Variants in GRM7 observed in about 807,000 individuals in gnomAD.
GRM7 encodes the protein metabotropic glutamate receptor 7.
Under a neutral mutation model 84.5 loss-of-function variants are expected in GRM7, and 35 were observed. The observed-to-expected ratio is 0.41, with a 90% CI of 0.32 to 0.55. The LOEUF (loss-of-function observed/expected upper bound fraction) is 0.55. Ranked by LOEUF, GRM7 falls within the 20% of genes least tolerant of loss-of-function variation. The pLI is 0.19. For missense variants in GRM7, 1,003 were observed against 1,194.6 expected (o/e 0.84, Z 2.36); for synonymous variants, 487 against 455.1 (o/e 1.07, Z -0.89).
intron 1 of GRM7, among the ~76,000 whole-genome samples, chr3:7,125,051 T>C (rs1693351889): frequency 6.6e-6 from 1 of 152,188 alleles, no homozygotes; most frequent in African/African-American, 2.4e-5. Context: ...GTGATTCTCC[T>C]GCCTCAGTCT....
chr3:7,153,224 G>C (rs931905907), intron 2 of GRM7, among the ~76,000 whole-genome samples: 6 of 142,908 alleles, frequency 4.2e-5, no homozygotes, highest in African/African-American at 1.3e-4. Flanking sequence ...CTGGCCTTCA[G>C]AGGGATTCTG....
At position 7,376,159 on chromosome 3, in the gene GRM7, G is replaced by A. The variant is rs541133458; in HGVS notation, c.1034-38864G>A. On this transcript the variant is annotated intron_variant, in intron 4 of 9. Transcript: ENST00000357716. ...GCTGACTTAGTGTCTGCATCATGCT[G>A]ACCAACTTTATGACAAGCAGTGTTC... 7.2e-5 allele frequency among the ~76,000 whole-genome samples: 11 copies of A among 152,220 alleles called. No individual in the cohort carries two copies. The East Asian group carries it at 1.7e-3, about 24-fold the overall frequency.
chr3:6,958,917 C>A (rs1693180473), intron 1 of GRM7, among the ~76,000 whole-genome samples: 1 of 151,730 alleles, frequency 6.6e-6, no homozygotes, highest in Non-Finnish European at 1.5e-5. Flanking sequence ...TATACCACAG[C>A]AAAAAAAGTG....
At chr3:7,606,549 G>C (rs1188427469) in intron 8 of GRM7, among the ~76,000 whole-genome samples, 3 of 151,932 alleles carry the variant, frequency 2.0e-5, no homozygotes, top group Non-Finnish European at 4.4e-5. Flanking sequence ...TTCTTTTTGG[G>C]GGGACAAGGT....
intron 4 of GRM7, among the ~76,000 whole-genome samples, chr3:7,368,003 A>T (rs1417950048): frequency 2.1e-5 from 3 of 146,092 alleles, no homozygotes; most frequent in Non-Finnish European, 4.5e-5. Flanking sequence ...AAATACAATG[A>T]TACAAATCCT....
chr3:7,114,759 A>G (rs1303625565), intron 1 of GRM7, among the ~76,000 whole-genome samples: 1 of 152,144 alleles, frequency 6.6e-6, no homozygotes, highest in Non-Finnish European at 1.5e-5. Flanking sequence ...GGAGTATAAC[A>G]TAGCAGGTCT....
chr3:7,133,168 A>C (rs748730492), intron 1 of GRM7, among the ~76,000 whole-genome samples: 5 of 152,218 alleles, frequency 3.3e-5, no homozygotes, highest in Non-Finnish European at 5.9e-5. Context: ...AGGAGCTCTG[A>C]TAATGGGGAA....
chr3:7,498,324 A>G (rs1575419615), intron 7 of GRM7, among the ~76,000 whole-genome samples: 1 of 152,202 alleles, frequency 6.6e-6, no homozygotes, highest in African/African-American at 2.4e-5. Context: ...AGTTGGGGAC[A>G]GTAATTTGGG....
At chr3:7,589,198 C>A (rs1197253668) in intron 8 of GRM7, among the ~76,000 whole-genome samples, 1 of 152,168 alleles carries the variant, frequency 6.6e-6, no homozygotes, top group Non-Finnish European at 1.5e-5. Context: ...TGGTTTTAAC[C>A]CAGCAATCAG....
At chr3:7,146,713 T>C (rs763651925) in intron 2 of GRM7, 45 bp downstream of exon 2, 5 of 1,379,060 alleles carry the variant, frequency 3.6e-6, no homozygotes, top group Non-Finnish European at 5.1e-6. Flanking sequence ...TTCAAACGTC[T>C]GTGGCTTGTA....
At chr3:7,118,891 C>T (rs1379933521) in intron 1 of GRM7, among the ~76,000 whole-genome samples, 1 of 152,110 alleles carries the variant, frequency 6.6e-6, no homozygotes. Context: ...TACACTGTGT[C>T]CTACTTAGGT....
intron 1 of GRM7, among the ~76,000 whole-genome samples, chr3:6,997,233 C>T (rs902620626): frequency 6.6e-6 from 1 of 151,774 alleles, no homozygotes; most frequent in Non-Finnish European, 1.5e-5. Context: ...ATTACAGAGG[C>T]GACTTTTCTA....
intron 7 of GRM7, among the ~76,000 whole-genome samples, chr3:7,482,792 G>A (rs1446665027): frequency 6.6e-6 from 1 of 152,146 alleles, no homozygotes; most frequent in Non-Finnish European, 1.5e-5. Context: ...TAAGCAAGGA[G>A]CTTTCAGAAG....
chr3:6,988,076 A>G (rs1246339719), intron 1 of GRM7, among the ~76,000 whole-genome samples: 1 of 147,266 alleles, frequency 6.8e-6, no homozygotes, highest in Non-Finnish European at 1.5e-5. Context: ...GGCTCACTGC[A>G]AGCTCCGCCT....
intron 8 of GRM7, among the ~76,000 whole-genome samples, chr3:7,631,652 G>A (rs1053824094): frequency 6.6e-6 from 1 of 152,096 alleles, no homozygotes; most frequent in Non-Finnish European, 1.5e-5. Context: ...TAATTCATGG[G>A]AGGGAAGGAG....
At chr3:7,559,950 T>A (rs1171726586) in intron 7 of GRM7, among the ~76,000 whole-genome samples, 1 of 152,046 alleles carries the variant, frequency 6.6e-6, no homozygotes, top group African/African-American at 2.4e-5. Context: ...CCAGTTCTAT[T>A]GGATTAGGGC....
At chr3:7,701,489 G>A (rs935952685) in intron 9 of GRM7, among the ~76,000 whole-genome samples, 10 of 151,972 alleles carry the variant, frequency 6.6e-5, no homozygotes, top group African/African-American at 2.4e-4. Flanking sequence ...TGTTTTAGTA[G>A]AGACAGGGTT....
intron 8 of GRM7, among the ~76,000 whole-genome samples, chr3:7,581,881 AC>A (rs1695273839): frequency 6.6e-6 from 1 of 151,370 alleles, no homozygotes; most frequent in Non-Finnish European, 1.5e-5. Flanking sequence ...CAAAATATTA[AC>A]CCCCATGAAG....
At chr3:7,218,835 C>T (rs779597381) in intron 2 of GRM7, among the ~76,000 whole-genome samples, 3 of 151,778 alleles carry the variant, frequency 2.0e-5, no homozygotes, top group Non-Finnish European at 4.4e-5. Flanking sequence ...TTCTTTGTAA[C>T]ATACATTTTA....
Sources: allele counts gnomAD v4.1 joint callset (sites outside exome capture counted in the v4.1 genomes callset), GRCh38; gene constraint gnomAD v4.1.1; transcripts MANE v1.5; gene names NCBI Gene and HGNC (gene_info 2026-07-23, HGNC 2026-07-21).